The following DEPDC5 variants were observed in gnomAD, a reference collection of about 807,000 sequenced individuals.
DEPDC5 encodes the protein DEP domain containing 5, GATOR1 subcomplex subunit.
Under a neutral mutation model 217.3 loss-of-function variants are expected in DEPDC5, and 73 were observed. That is an observed-to-expected ratio of 0.34 (90% CI 0.28 to 0.41). The LOEUF is 0.41. Ranked by LOEUF, DEPDC5 falls within the 10% of genes least tolerant of loss-of-function variation. The pLI is 1.00. For synonymous variants in DEPDC5, 733 were observed against 756.7 expected (o/e 0.97, Z 0.51); for missense variants, 1,675 against 2,070.1 (o/e 0.81, Z 3.70).
chr22:31,840,213 G>A (rs1457581183), intron 27 of DEPDC5, among the ~76,000 whole-genome samples: 1 of 152,166 alleles, frequency 6.6e-6, no homozygotes, highest in Non-Finnish European at 1.5e-5. Flanking sequence ...CAGCTTCCCT[G>A]AGGAGATGAG....
chr22:31,893,874 C>A, intron 39 of DEPDC5, 123 bp downstream of exon 39: 1 of 1,104,494 alleles, frequency 9.1e-7, no homozygotes, highest in Non-Finnish European at 1.2e-6. Context: ...TTCATCGGGA[C>A]TATTGGAGTA....
chr22:31,863,069 A>C (rs2092570900), intron 33 of DEPDC5, among the ~76,000 whole-genome samples: 2 of 150,862 alleles, frequency 1.3e-5, no homozygotes, highest in Non-Finnish European at 3.0e-5. Context: ...AGGCTGGTCA[A>C]CTCCTGGTGT....
chr22:31,897,831 C>T (rs1471102913), intron 40 of DEPDC5, among the ~76,000 whole-genome samples, 178 bp downstream of exon 40: 1 of 152,102 alleles, frequency 6.6e-6, no homozygotes, highest in Non-Finnish European at 1.5e-5. Flanking sequence ...CTGGATAACT[C>T]TGGACAAATC....
chr22:31,826,272 G>A (rs2090138452), intron 24 of DEPDC5, among the ~76,000 whole-genome samples: 1 of 152,136 alleles, frequency 6.6e-6, no homozygotes, highest in African/African-American at 2.4e-5. Context: ...CTCCCAAAGT[G>A]CTGGGATTAC....
At position 31,764,971 on chromosome 22, in the gene DEPDC5, T is replaced by G. The variant is rs1216398826; in HGVS notation, c.194-4T>G. ...ATCTGAGCCAGATATTGTTTCTGTT[T>G]TAGAAACTATCAGTGTGGACCAGAC... On this transcript the variant is annotated splice_region_variant and splice_polypyrimidine_tract_variant and intron_variant, in intron 4 of 42. Coordinates refer to ENST00000651528, the MANE Select transcript of DEPDC5 (RefSeq NM_001242896.3). 2 of 1,611,242 alleles carry G rather than the reference T, an allele frequency of 1.2e-6. No individual in the cohort carries two copies. Among genetic ancestry groups the G allele is most frequent in the Non-Finnish European group, 1.7e-6 (2 of 1,177,424 alleles).
In DEPDC5 at chr22:31,818,604, A is replaced by G. The variant is rs565812225; in HGVS notation, c.1667-418A>G. On this transcript the variant is annotated intron_variant, in intron 21 of 42. Transcript: ENST00000651528. ...AAATGGGTTTATAGTGAAGACATTG[A>G]CTAGCTCTGCCAAGATCTGCCCTTC... 3.3e-5 allele frequency among the ~76,000 whole-genome samples: 5 copies of G among 152,348 alleles called. No individual in the cohort carries two copies. The East Asian group carries it at 9.7e-4, about 29-fold the overall frequency.
chr22:31,873,955 G>C (rs2092922851), intron 35 of DEPDC5: 1 of 286,746 alleles, frequency 3.5e-6, no homozygotes, highest in African/African-American at 2.3e-5. Flanking sequence ...ACCACGCCCA[G>C]CTGATTTTTG....
chr22:31,877,188 C>T, intron 37 of DEPDC5, among the ~76,000 whole-genome samples: 1 of 151,994 alleles, frequency 6.6e-6, no homozygotes, highest in African/African-American at 2.4e-5. Context: ...ATAATCCTAG[C>T]ACTTTGGGAG....
intron 20 of DEPDC5, among the ~76,000 whole-genome samples, chr22:31,812,742 C>CT (rs569013035): frequency 0.12 from 14,608 of 116,870 alleles, 1,242 homozygotes; most frequent in Admixed American, 0.16. Context: ...AGATTTCTTT[C>CT]TTTTTTTTTT....
intron 2 of DEPDC5, 146 bp from the exon 3 acceptor site, chr22:31,758,400 T>C: frequency 1.5e-6 from 1 of 675,792 alleles, no homozygotes; most frequent in Non-Finnish European, 2.7e-6. Context: ...AATCCATTAG[T>C]CATTGTAAGC....
chr22:31,824,470 G>T (rs1399186596), intron 24 of DEPDC5, among the ~76,000 whole-genome samples: 1 of 152,210 alleles, frequency 6.6e-6, no homozygotes, highest in East Asian at 1.9e-4. Flanking sequence ...TCTAAGGCTA[G>T]GAATCTGGGT....
At chr22:31,838,942 A>G in intron 27 of DEPDC5, 97 bp downstream of exon 27, 1 of 1,315,084 alleles carries the variant, frequency 7.6e-7, no homozygotes, top group Non-Finnish European at 1.0e-6. Flanking sequence ...TTTAGTAGTA[A>G]TCGTTTTCGA....
intron 38 of DEPDC5, among the ~76,000 whole-genome samples, chr22:31,886,020 G>T (rs535642121): frequency 1.3e-5 from 2 of 149,502 alleles, no homozygotes; most frequent in East Asian, 3.9e-4. Context: ...GTGACAGAGC[G>T]AGACTCCCTC....
In DEPDC5 at chr22:31,804,835, CT is replaced by C. The variant is rs777343183; in HGVS notation, c.1144-5del. ...GCTTATCTGTGCTCTCATTTTTCTC[CT>C]TGCAGCTCCATAATCGGAGTGCTCC... is the stretch of plus-strand genomic sequence containing the variant. On this transcript the variant is annotated splice_region_variant and splice_polypyrimidine_tract_variant and intron_variant, in intron 16 of 42. Transcript: ENST00000651528. 5 of 1,613,228 alleles carry C rather than the reference CT, an allele frequency of 3.1e-6. No homozygotes were observed. The East Asian group carries it at 1.1e-4, about 36-fold the overall frequency.
chr22:31,777,268 T>G (rs1302461650), intron 7 of DEPDC5, among the ~76,000 whole-genome samples: 1 of 149,616 alleles, frequency 6.7e-6, no homozygotes, highest in African/African-American at 2.5e-5. Context: ...CCCTAAGTTT[T>G]TTTTTTTTTT....
At chr22:31,807,110 T>C (rs2087638904) in intron 18 of DEPDC5, among the ~76,000 whole-genome samples, 1 of 152,212 alleles carries the variant, frequency 6.6e-6, no homozygotes, top group South Asian at 2.1e-4. Flanking sequence ...TTAATAATTA[T>C]ATCACATGCT....
At chr22:31,863,125 G>A (rs978364534) in intron 33 of DEPDC5, among the ~76,000 whole-genome samples, 14 of 151,970 alleles carry the variant, frequency 9.2e-5, no homozygotes, top group African/African-American at 3.1e-4. Context: ...GGGATTACAG[G>A]CATGAGCCAC....
rs34078350 is a variant in DEPDC5, at chr22:31,830,630, C to CGTGTGTGTGTGT, written c.2105-3256_2105-3245dup. On this transcript the variant is annotated intron_variant, in intron 24 of 42. Transcript: ENST00000651528. Reference sequence around the variant, plus strand: ...TTTGCTTTTTCGGGGTATGCGTGTACGTGTGTGTGTGTGTGTGTGTGTGTG... The same window carrying CGTGTGTGTGTGT: ...TTTGCTTTTTCGGGGTATGCGTGTACGTGTGTGTGTGTGTGTGTGTGTGTGTGTGTGTGTGTG... Among the ~76,000 whole-genome samples, 698 of 142,534 alleles carry CGTGTGTGTGTGT rather than the reference C, an allele frequency of 4.9e-3. 6 individuals carry two copies. The highest frequency in any genetic ancestry group is 7.4e-3 in the Middle Eastern group (2 of 270). 93.5% of individuals were successfully genotyped at this position (142,534 alleles called of 152,430 possible). A position where few individuals can be genotyped will look rare whatever the true frequency, so the allele number is the denominator to read the frequency against.
At chr22:31,794,710 C>T (rs2086045593) in intron 12 of DEPDC5, among the ~76,000 whole-genome samples, 2 of 152,030 alleles carry the variant, frequency 1.3e-5, no homozygotes, top group South Asian at 4.1e-4. Flanking sequence ...CATGGAAAAC[C>T]CTGTCTCTAC....
Sources: allele counts gnomAD v4.1 joint callset (sites outside exome capture counted in the v4.1 genomes callset), GRCh38; gene constraint gnomAD v4.1.1; transcripts MANE v1.5; gene names NCBI Gene and HGNC (gene_info 2026-07-23, HGNC 2026-07-21).